The following DLG2 variants were observed in gnomAD, a reference collection of about 807,000 sequenced individuals.
The protein encoded by DLG2 is discs large MAGUK scaffold protein 2.
In DLG2, 45 loss-of-function variants were observed where a neutral mutation model predicts 132.5. That is an observed-to-expected ratio of 0.34 (90% CI 0.27 to 0.44). DLG2 has a LOEUF of 0.44. Among genes scored for constraint, DLG2 ranks in the 20% least tolerant of loss-of-function variants. DLG2 has a pLI of 1.00. For synonymous variants in DLG2, 424 were observed against 419.6 expected, an observed-to-expected ratio of 1.01 and a Z score of -0.13; for missense variants, 1,045 against 1,196.9, an observed-to-expected ratio of 0.87 and a Z score of 1.87.
At chr11:83,496,742 A>G (rs889628512) in intron 21 of DLG2, among the ~76,000 whole-genome samples, 1 of 152,222 alleles carries the variant, frequency 6.6e-6, no homozygotes, top group African/African-American at 2.4e-5. Flanking sequence ...AAACTAAGCT[A>G]TGGTGGTAGA....
chr11:84,989,991 A>G (rs1009124715), intron 6 of DLG2, among the ~76,000 whole-genome samples: 1 of 152,194 alleles, frequency 6.6e-6, no homozygotes, highest in Non-Finnish European at 1.5e-5. Context: ...TACAATCCAT[A>G]AAAAGAAAAA....
intron 3 of DLG2, among the ~76,000 whole-genome samples, chr11:85,540,010 T>G (rs2075856801): frequency 6.6e-6 from 1 of 152,118 alleles, no homozygotes; most frequent in Admixed American, 6.5e-5. Context: ...AGCTGAGAAG[T>G]CCCTGACCAT....
chr11:85,514,670 G>A (rs958281364), intron 3 of DLG2, among the ~76,000 whole-genome samples: 3 of 151,862 alleles, frequency 2.0e-5, no homozygotes, highest in Non-Finnish European at 2.9e-5. Context: ...TGCATTAGCT[G>A]TTTTGTTTTA....
At chr11:84,762,714 A>G (rs1449921890) in intron 6 of DLG2, among the ~76,000 whole-genome samples, 1 of 152,156 alleles carries the variant, frequency 6.6e-6, no homozygotes, top group East Asian at 1.9e-4. Context: ...TTTAACTAAT[A>G]TTTATTGAAT....
At chr11:83,672,569 A>G (rs2077014966) in intron 18 of DLG2, among the ~76,000 whole-genome samples, 1 of 152,156 alleles carries the variant, frequency 6.6e-6, no homozygotes, top group Admixed American at 6.5e-5. Context: ...TCTTCTCTAT[A>G]TATCTAGTAA....
chr11:84,102,757 A>C (rs146614074), intron 9 of DLG2, among the ~76,000 whole-genome samples: 9 of 152,290 alleles, frequency 5.9e-5, no homozygotes, highest in Non-Finnish European at 1.0e-4. Context: ...GGGATGTTTT[A>C]GGGACATTTA....
intron 7 of DLG2, among the ~76,000 whole-genome samples, chr11:84,446,839 C>T (rs2099036586): frequency 6.6e-6 from 1 of 152,090 alleles, no homozygotes; most frequent in Admixed American, 6.5e-5. Context: ...ACACTCTCAC[C>T]CTAAATGCCT....
At chr11:83,794,409 G>A (rs1271848276) in intron 17 of DLG2, among the ~76,000 whole-genome samples, 1 of 146,774 alleles carries the variant, frequency 6.8e-6, no homozygotes, top group Non-Finnish European at 1.5e-5. Context: ...AATACCAAGT[G>A]TGACACAGCC....
intron 7 of DLG2, among the ~76,000 whole-genome samples, chr11:84,331,188 C>T (rs537102182): frequency 6.6e-6 from 1 of 152,258 alleles, no homozygotes; most frequent in Admixed American, 6.5e-5. Flanking sequence ...TCAATCATAG[C>T]AGCTGGAGCT....
intron 5 of DLG2, among the ~76,000 whole-genome samples, chr11:85,130,823 G>A (rs1161723729): frequency 2.0e-5 from 3 of 152,202 alleles, no homozygotes; most frequent in African/African-American, 7.2e-5. Flanking sequence ...AGTATCAACA[G>A]TGGTAGACTA....
Position 85,183,796 on chromosome 11 carries a change from A to G in DLG2, c.187-29145T>C, listed in dbSNP as rs745818387. Among the ~76,000 whole-genome samples, 65 of 151,860 alleles carry G rather than the reference A, an allele frequency of 4.3e-4. 1 individual carries two copies. Among genetic ancestry groups the G allele is most frequent in the Admixed American group, 2.6e-4 (4 of 15,202 alleles). On this transcript the variant is annotated intron_variant, in intron 4 of 27. Transcript: ENST00000376104. ...AACAGGCTGCCCTATTTCTAGGTTC[A>G]TTATCTTAGCTGGAACTCCATCCGT... is the stretch of plus-strand genomic sequence containing the variant.
At chr11:84,316,483 A>G (rs1160162936) in intron 7 of DLG2, among the ~76,000 whole-genome samples, 1 of 152,146 alleles carries the variant, frequency 6.6e-6, no homozygotes, top group Non-Finnish European at 1.5e-5. Context: ...TCTGCTCTTT[A>G]AAAAAATAAT....
intron 4 of DLG2, among the ~76,000 whole-genome samples, chr11:85,268,334 T>C (rs896489932): frequency 6.6e-6 from 1 of 152,204 alleles, no homozygotes; most frequent in Non-Finnish European, 1.5e-5. Flanking sequence ...GTCTCTCACA[T>C]ATCTGTGACC....
chr11:84,698,225 C>T (rs768508485), intron 6 of DLG2, among the ~76,000 whole-genome samples: 1 of 138,586 alleles, frequency 7.2e-6, no homozygotes, highest in Non-Finnish European at 1.6e-5. Flanking sequence ...GAGATATAGC[C>T]ATCTGATCCG....
rs532130863 is a variant in DLG2 at position 84,689,677 on chromosome 11, A to G, written c.358-154946T>C. The stretch of plus-strand genomic sequence containing the variant: ...GACAATTCTCCAGGTACAATCAGTT[A>G]TACGTCATTTTGCTCATCATTAAAG... On this transcript the variant is annotated intron_variant, in intron 6 of 27. Transcript: ENST00000376104. 4.9e-4 allele frequency among the ~76,000 whole-genome samples: 74 copies of G among 152,220 alleles called. 1 individual carries two copies. Among genetic ancestry groups the G allele is most frequent in the Non-Finnish European group, 8.7e-4 (59 of 67,990 alleles).
intron 9 of DLG2, among the ~76,000 whole-genome samples, chr11:84,141,917 C>T (rs527491083): frequency 1.3e-5 from 2 of 152,100 alleles, no homozygotes; most frequent in South Asian, 4.2e-4. Context: ...CCATTGTTTT[C>T]AACCTGGAAT....
At chr11:85,324,658 A>C (rs187319190) in intron 3 of DLG2, among the ~76,000 whole-genome samples, 1 of 152,310 alleles carries the variant, frequency 6.6e-6, no homozygotes, top group African/African-American at 2.4e-5. Context: ...GCTACACAAG[A>C]GGTTTTGAGG....
chr11:83,948,233 A>G (rs1191207377), intron 14 of DLG2, among the ~76,000 whole-genome samples: 1 of 152,244 alleles, frequency 6.6e-6, no homozygotes, highest in Admixed American at 6.5e-5. Flanking sequence ...GAAGGAGTAT[A>G]CATGAGAAAG....
chr11:85,012,681 T>C (rs1439315401), intron 6 of DLG2, among the ~76,000 whole-genome samples: 1 of 152,186 alleles, frequency 6.6e-6, no homozygotes, highest in Non-Finnish European at 1.5e-5. Context: ...TTGGGGTTAC[T>C]GTTATGGATA....
Sources: gnomAD v4.1 joint callset for allele counts (sites outside exome capture counted in the v4.1 genomes callset) on GRCh38, gnomAD v4.1.1 for gene constraint, MANE v1.5 for transcripts, NCBI Gene and HGNC (gene_info 2026-07-23, HGNC 2026-07-21) for gene names.